LRP1B: variants seen among roughly 807,000 people sequenced by gnomAD.
LRP1B encodes low-density lipoprotein receptor-related protein 1B.
Under a neutral mutation model 556.6 loss-of-function variants are expected in LRP1B, and 217 were observed. The observed-to-expected ratio is 0.39, with a 90% CI of 0.35 to 0.44. The LOEUF is 0.44. Ranked by LOEUF, LRP1B falls within the 20% of genes least tolerant of loss-of-function variation. The pLI is 1.00. For missense variants in LRP1B, 5,053 were observed against 5,620.8 expected (o/e 0.90, Z 3.23); for synonymous variants, 2,047 against 1,865.8 (o/e 1.10, Z -2.50).
At chr2:140,867,287 CT>C (rs1692979875) in intron 27 of LRP1B, among the ~76,000 whole-genome samples, 1 of 151,972 alleles carries the variant, frequency 6.6e-6, no homozygotes, top group African/African-American at 2.4e-5. Flanking sequence ...GTACCACCCC[CT>C]CTCTTCCCAA....
chr2:140,546,915 GT>G lies in LRP1B; in HGVS notation c.7195-4945del, dbSNP rs200949528. On this transcript the variant is annotated intron_variant, in intron 43 of 90. Coordinates refer to ENST00000389484, the MANE Select transcript of LRP1B (RefSeq NM_018557.3). The stretch of plus-strand genomic sequence containing the variant: ...TTTGCATCTATTGAGATAATCATGT[GT>G]TTTTTTTGTATTTAGTTCTGTGTAT... 3.3e-4 allele frequency among the ~76,000 whole-genome samples: 50 copies of G among 151,862 alleles called. No homozygotes were observed. The East Asian group carries it at 8.0e-3, about 24-fold the overall frequency.
At chr2:140,764,221 G>T (rs1164651706) in intron 35 of LRP1B, among the ~76,000 whole-genome samples, 1 of 152,104 alleles carries the variant, frequency 6.6e-6, no homozygotes, top group African/African-American at 2.4e-5. Flanking sequence ...TATTAAATGG[G>T]TTTAAAAATC....
chr2:141,254,561 C>T lies in LRP1B; in HGVS notation c.424G>A (p.Asp142Asn), dbSNP rs2105340227. The T allele has an allele frequency of 6.2e-7, 1 of 1,612,050 alleles. No individual in the cohort carries two copies. Residue 142 changes from aspartate to asparagine, a missense_variant, in exon 4 of 91, where the codon GAT becomes AAT. Physicochemically the swap from Asp to Asn is conservative, Grantham distance 23 (BLOSUM62 1). Around this residue, in one of 5 missense-constraint regions of LRP1B, gnomAD observed 3,619 missense variants for 3,931.9 expected, o/e 0.92. Transcript: ENST00000389484. ...VRNSTRCYCEDGFEITEDGRS... is the reference protein window; with the variant it reads ...VRNSTRCYCENGFEITEDGRS... ...CCATCTTCTGTTATTTCGAATCCAT[C>T]CTCACAGTAACATCTTGTACTATTT...
chr2:141,901,263 A>G (rs1574477020), intron 1 of LRP1B, among the ~76,000 whole-genome samples: 1 of 151,992 alleles, frequency 6.6e-6, no homozygotes, highest in Non-Finnish European at 1.5e-5. Flanking sequence ...GAGCCACTCA[A>G]TCTCCCAGCA....
At chr2:141,330,979 C>G (rs935135541) in intron 3 of LRP1B, among the ~76,000 whole-genome samples, 1 of 152,164 alleles carries the variant, frequency 6.6e-6, no homozygotes, top group African/African-American at 2.4e-5. Flanking sequence ...AAGATGGTCT[C>G]GATCTCCTGA....
chr2:142,062,771 T>C (rs1704968319), intron 1 of LRP1B, among the ~76,000 whole-genome samples: 2 of 151,802 alleles, frequency 1.3e-5, no homozygotes, highest in Admixed American at 6.6e-5. Context: ...CTTGACACTA[T>C]TTACAAGGTA....
intron 66 of LRP1B, among the ~76,000 whole-genome samples, chr2:140,438,599 C>A (rs942889994): frequency 6.6e-6 from 1 of 152,134 alleles, no homozygotes; most frequent in African/African-American, 2.4e-5. Flanking sequence ...TTCTCAGTGT[C>A]ATGTTGGGAA....
At chr2:141,567,814 C>CCTAG (rs1211602827) in intron 2 of LRP1B, among the ~76,000 whole-genome samples, 1 of 149,878 alleles carries the variant, frequency 6.7e-6, no homozygotes, top group Admixed American at 6.7e-5. Flanking sequence ...TGGAAGGGCC[C>CCTAG]CTAGGAAACC....
chr2:140,757,855 G>A (rs528460449), intron 35 of LRP1B, among the ~76,000 whole-genome samples: 3 of 152,132 alleles, frequency 2.0e-5, no homozygotes, highest in Non-Finnish European at 4.4e-5. Context: ...CAGCCCAGGG[G>A]ACACAGTGAG....
At chr2:141,705,411 A>G (rs1692100899) in intron 2 of LRP1B, among the ~76,000 whole-genome samples, 1 of 151,980 alleles carries the variant, frequency 6.6e-6, no homozygotes, top group Non-Finnish European at 1.5e-5. Flanking sequence ...AGCTTCAGCA[A>G]TAAATGTTCC....
intron 2 of LRP1B, among the ~76,000 whole-genome samples, chr2:141,483,810 G>C (rs1379637524): frequency 3.3e-5 from 5 of 151,364 alleles, no homozygotes; most frequent in Non-Finnish European, 7.4e-5. Flanking sequence ...TGATGGGGTT[G>C]TTTGTTTTTT....
intron 6 of LRP1B, among the ~76,000 whole-genome samples, chr2:141,211,024 G>C (rs112292872): frequency 6.6e-6 from 1 of 151,972 alleles, no homozygotes; most frequent in Non-Finnish European, 1.5e-5. Flanking sequence ...GTCTCGCTCC[G>C]TCACCCAGGC....
chr2:141,259,430 G>A (rs919016412), intron 3 of LRP1B, among the ~76,000 whole-genome samples: 11 of 152,172 alleles, frequency 7.2e-5, no homozygotes, highest in African/African-American at 1.4e-4. Context: ...GATTGGAACC[G>A]TATTTTTGTC....
At chr2:142,118,739 G>C (rs1350037315) in intron 1 of LRP1B, among the ~76,000 whole-genome samples, 3 of 152,010 alleles carry the variant, frequency 2.0e-5, no homozygotes, top group Admixed American at 6.6e-5. Context: ...TATTTACTTA[G>C]ATTAATTTAT....
At chr2:142,081,766 A>G (rs900545241) in intron 1 of LRP1B, among the ~76,000 whole-genome samples, 4 of 152,290 alleles carry the variant, frequency 2.6e-5, no homozygotes, top group African/African-American at 7.2e-5. Flanking sequence ...GGTATACACC[A>G]CCATGCCCAG....
At chr2:141,088,858 T>C (rs1032560016) in intron 7 of LRP1B, among the ~76,000 whole-genome samples, 7 of 152,200 alleles carry the variant, frequency 4.6e-5, no homozygotes, top group African/African-American at 9.7e-5. Flanking sequence ...TTGCAACTTA[T>C]GCTAGAAGAT....
chr2:141,465,847 AT>A (rs1682172090), intron 3 of LRP1B, among the ~76,000 whole-genome samples: 1 of 151,816 alleles, frequency 6.6e-6, no homozygotes, highest in African/African-American at 2.4e-5. Context: ...TGCCTGGCCT[AT>A]AGCATGACTT....
intron 1 of LRP1B, among the ~76,000 whole-genome samples, chr2:141,934,309 T>C (rs1474393588): frequency 2.6e-5 from 4 of 151,826 alleles, no homozygotes; most frequent in African/African-American, 9.7e-5. Context: ...TCTAATTGAA[T>C]GACAGAAGGT....
Position 140,541,853 on chromosome 2 carries a change from T to C in LRP1B, c.7313A>G (p.Asp2438Gly). The C allele has an allele frequency of 1.9e-6, 3 of 1,612,878 alleles. No individual in the cohort carries two copies. Among genetic ancestry groups the C allele is most frequent in the Non-Finnish European group, 2.5e-6 (3 of 1,179,162 alleles). The stretch of plus-strand genomic sequence containing the variant: ...AATATCGGAACGAAGAATTTTTGTA[T>C]CTCCTCCTGTGTACTTGTTGGACCG... ...ILRSNKYTGG[D>G]TKILRSDIPH... Residue 2438 changes from aspartate to glycine, a missense_variant, in exon 44 of 91, where the codon GAT becomes GGT. By Grantham distance (94) the Asp-to-Gly change is moderately conservative (BLOSUM62 -1). Coordinates refer to ENST00000389484, the MANE Select transcript of LRP1B (RefSeq NM_018557.3).
Sources: gnomAD v4.1 joint callset for allele counts (sites outside exome capture counted in the v4.1 genomes callset) on GRCh38, gnomAD v4.1.1 for gene constraint, gnomAD v4.1.1 regional missense constraint, MANE v1.5 for transcripts, NCBI Gene and HGNC (gene_info 2026-07-23, HGNC 2026-07-21) for gene names.